SEC22A: variants seen among roughly 807,000 people sequenced by gnomAD.
SEC22A encodes the protein vesicle-trafficking protein SEC22a.
In SEC22A, 22 loss-of-function variants were observed where a neutral mutation model predicts 35.3. That is an observed-to-expected ratio of 0.62 (90% CI 0.45 to 0.89). The LOEUF is 0.89. Ranked by LOEUF, SEC22A falls within the 40% of genes least tolerant of loss-of-function variation. The probability of loss-of-function intolerance (pLI) is 0.00; values close to 1 mark genes in which losing one functional copy is unlikely to be tolerated. For synonymous variants in SEC22A, 119 were observed against 129.5 expected, an observed-to-expected ratio of 0.92 and a Z score of 0.55; for missense variants, 354 against 362.5, an observed-to-expected ratio of 0.98 and a Z score of 0.19.
At chr3:123,219,665 T>C (rs1937089302) in intron 2 of SEC22A, among the ~76,000 whole-genome samples, 1 of 152,186 alleles carries the variant, frequency 6.6e-6, no homozygotes, top group Non-Finnish European at 1.5e-5. Context: ...AACTACGTGG[T>C]GCTATTACTC....
At chr3:123,211,834 G>A (rs749352657) in intron 2 of SEC22A, among the ~76,000 whole-genome samples, 5 of 152,156 alleles carry the variant, frequency 3.3e-5, no homozygotes, top group South Asian at 4.2e-4. Context: ...TTGAGAGGCC[G>A]AGGCAGGCAG....
chr3:123,217,612 A>G (rs1400326875), intron 2 of SEC22A, among the ~76,000 whole-genome samples: 1 of 152,206 alleles, frequency 6.6e-6, no homozygotes, highest in Non-Finnish European at 1.5e-5. Flanking sequence ...TCACTGGGCA[A>G]ATGTGACTAC....
intron 4 of SEC22A, among the ~76,000 whole-genome samples, chr3:123,236,568 G>A (rs2108065528): frequency 6.6e-6 from 1 of 152,202 alleles, no homozygotes; most frequent in South Asian, 2.1e-4. Context: ...TGCACCCTAG[G>A]AATATGGGTG....
At chr3:123,224,174 G>T (rs1937180067) in intron 3 of SEC22A, among the ~76,000 whole-genome samples, 1 of 151,910 alleles carries the variant, frequency 6.6e-6, no homozygotes, top group Non-Finnish European at 1.5e-5. Context: ...ACGTAAATGA[G>T]TGCAGTTATA....
intron 4 of SEC22A, among the ~76,000 whole-genome samples, chr3:123,225,507 T>C (rs1277606565): frequency 6.6e-6 from 1 of 152,162 alleles, no homozygotes; most frequent in Admixed American, 6.5e-5. Context: ...CCTCAGAGGA[T>C]CTCTTTGCTA....
At chr3:123,242,279 C>T (rs1369837706) in intron 4 of SEC22A, among the ~76,000 whole-genome samples, 1 of 152,132 alleles carries the variant, frequency 6.6e-6, no homozygotes, top group East Asian at 1.9e-4. Context: ...TAAACACGGC[C>T]CACCATCACC....
Position 123,248,917 on chromosome 3 carries a change from A to C in SEC22A, c.657+2903A>C, listed in dbSNP as rs73856883. Among the ~76,000 whole-genome samples the C allele has an allele frequency of 5.7e-3, 861 of 152,218 alleles. 6 individuals are homozygous for C. Among genetic ancestry groups the C allele is most frequent in the African/African-American group, 0.019 (794 of 41,532 alleles). On this transcript the variant is annotated intron_variant, in intron 5 of 6. Transcript: ENST00000492595. ...CTTAATTCAAATCACTTTTAACACT[A>C]TCTGCCTGGAGTTAACCCAGATGTC...
chr3:123,227,642 T>C (rs1021384003), intron 4 of SEC22A, among the ~76,000 whole-genome samples: 1 of 152,154 alleles, frequency 6.6e-6, no homozygotes, highest in Non-Finnish European at 1.5e-5. Flanking sequence ...ATATCAACTA[T>C]AGAATACAAA....
At position 123,262,677 on chromosome 3, in the gene SEC22A, C is replaced by T. The variant is rs998176759; in HGVS notation, c.723+3088C>T. ...AAGTTCTGAGCATGTTTAAGGTAGG[C>T]TAGGCTAAGCTATGATGTTTGGTAA... is the stretch of plus-strand genomic sequence containing the variant. On this transcript the variant is annotated intron_variant, in intron 6 of 6. Coordinates refer to ENST00000492595, the MANE Select transcript of SEC22A (RefSeq NM_012430.5). 3.9e-5 allele frequency among the ~76,000 whole-genome samples: 6 copies of T among 152,250 alleles called. No individual in the cohort carries two copies. In the South Asian group the frequency reaches 8.3e-4, roughly 21 times the overall value.
rs371788595 is a variant in SEC22A, at chr3:123,262,583, A to G, written c.723+2994A>G. Among the ~76,000 whole-genome samples, 6 of 152,358 alleles carry G rather than the reference A, an allele frequency of 3.9e-5. No individual in the cohort carries two copies. The East Asian group carries it at 9.6e-4, about 24-fold the overall frequency. ...TTTTCAGCACACTATTCAATAAATT[A>G]CATGAGATAATGAATATATTTGAAT... is the stretch of plus-strand genomic sequence containing the variant. On this transcript the variant is annotated intron_variant, in intron 6 of 6. Coordinates refer to ENST00000492595, the MANE Select transcript of SEC22A (RefSeq NM_012430.5).
chr3:123,269,662 T>C (rs2108113344), intron 6 of SEC22A, among the ~76,000 whole-genome samples: 1 of 144,386 alleles, frequency 6.9e-6, no homozygotes, highest in East Asian at 2.0e-4. Flanking sequence ...AGATGGAGTC[T>C]TGCTCTGTTG....
chr3:123,271,367 T>A (rs1327239135), intron 6 of SEC22A, among the ~76,000 whole-genome samples, 155 bp from the exon 7 acceptor site: 1 of 152,250 alleles, frequency 6.6e-6, no homozygotes, highest in East Asian at 1.9e-4. Context: ...CATAGCTGAA[T>A]GTCTTAGATA....
rs572727750 is a variant in SEC22A, at chr3:123,270,623, C to T, written c.724-899C>T. Among the ~76,000 whole-genome samples the T allele has an allele frequency of 3.9e-5, 6 of 152,318 alleles. No homozygotes were observed. In the South Asian group the frequency reaches 1.2e-3, roughly 32 times the overall value. ...ATGAGTAAATAACAGTAAAAAATCTCACCCCTCATGAAATAGATTCTGTTG... is the reference window on the plus strand; with the variant it reads ...ATGAGTAAATAACAGTAAAAAATCTTACCCCTCATGAAATAGATTCTGTTG... On this transcript the variant is annotated intron_variant, in intron 6 of 6. Transcript: ENST00000492595.
At chr3:123,213,011 A>T (rs983481029) in intron 2 of SEC22A, among the ~76,000 whole-genome samples, 12 of 152,218 alleles carry the variant, frequency 7.9e-5, no homozygotes, top group Non-Finnish European at 1.5e-4. Flanking sequence ...AACTATAATT[A>T]TGAGAGTTTA....
intron 4 of SEC22A, among the ~76,000 whole-genome samples, chr3:123,240,339 T>C (rs554026688): frequency 2.0e-5 from 3 of 152,220 alleles, no homozygotes; most frequent in Non-Finnish European, 4.4e-5. Context: ...AACGACTGTT[T>C]TTATTTTTTT....
rs186448643 is a variant in SEC22A, at chr3:123,230,376, A to G, written c.541+5079A>G. On this transcript the variant is annotated intron_variant, in intron 4 of 6. Transcript: ENST00000492595. ...TAATGAAGGAAGCCAGAAAGATAAG[A>G]TAAATATTAACAAGAGCTATAAACA... Among the ~76,000 whole-genome samples, 19 of 152,314 alleles carry G rather than the reference A, an allele frequency of 1.2e-4. No homozygotes were observed. In the East Asian group the frequency reaches 3.3e-3, roughly 26 times the overall value.
chr3:123,239,928 G>A (rs1937495510), intron 4 of SEC22A, among the ~76,000 whole-genome samples: 1 of 152,128 alleles, frequency 6.6e-6, no homozygotes, highest in Admixed American at 6.5e-5. Context: ...GCAGGGTAAG[G>A]AGGTTTTAAG....
chr3:123,249,545 G>A (rs1487766369), intron 5 of SEC22A, among the ~76,000 whole-genome samples: 1 of 152,040 alleles, frequency 6.6e-6, no homozygotes, highest in Non-Finnish European at 1.5e-5. Context: ...ATGTATTTGA[G>A]ATGGAGTCTC....
At chr3:123,239,440 T>TC (rs1937484567) in intron 4 of SEC22A, among the ~76,000 whole-genome samples, 1 of 151,702 alleles carries the variant, frequency 6.6e-6, no homozygotes, top group Non-Finnish European at 1.5e-5. Flanking sequence ...ATGCTATCCC[T>TC]CCCCCCTCCA....
Sources: gnomAD v4.1 joint callset for allele counts (sites outside exome capture counted in the v4.1 genomes callset) on GRCh38, gnomAD v4.1.1 for gene constraint, MANE v1.5 for transcripts, NCBI Gene and HGNC (gene_info 2026-07-23, HGNC 2026-07-21) for gene names.